Variants in PHLDB2 observed in about 807,000 individuals in gnomAD.
PHLDB2 encodes pleckstrin homology-like domain family B member 2.
In PHLDB2, 71 loss-of-function variants were observed where a neutral mutation model predicts 123.6. That is an observed-to-expected ratio of 0.57 (90% CI 0.47 to 0.70). The LOEUF is 0.70. PHLDB2 is among the 30% of genes least tolerant of loss of function. The pLI, the probability that PHLDB2 is intolerant of heterozygous loss-of-function variation, is 0.00. For missense variants in PHLDB2, 1,446 were observed against 1,519.5 expected (o/e 0.95, Z 0.80); for synonymous variants, 547 against 541.6 (o/e 1.01, Z -0.14).
chr3:111,936,031 C>T (rs76190005), intron 6 of PHLDB2, among the ~76,000 whole-genome samples: 1,629 of 152,262 alleles, frequency 0.011, 77 homozygotes, highest in East Asian at 0.099. Flanking sequence ...AAACCCTGAG[C>T]CCCATTTAAA....
At chr3:111,960,123 A>G (rs1359988525) in intron 12 of PHLDB2, 8 of 801,150 alleles carry the variant, frequency 1.0e-5, no homozygotes, top group Non-Finnish European at 1.2e-5. Context: ...TGCATAATAA[A>G]TAATTGGAAA....
chr3:111,937,226 T>C (rs546559940), intron 6 of PHLDB2, among the ~76,000 whole-genome samples: 66 of 152,366 alleles, frequency 4.3e-4, no homozygotes, highest in Admixed American at 3.5e-3. Context: ...GTAAAAGTCA[T>C]TGCAGAAGAT....
Position 111,952,720 on chromosome 3 carries a change from C to A in PHLDB2, c.2772+8C>A, listed in dbSNP as rs920329640. The A allele has an allele frequency of 3.1e-6, 5 of 1,606,914 alleles. No homozygotes were observed. The highest frequency in any genetic ancestry group is 4.2e-6 in the Non-Finnish European group (5 of 1,178,146). ...AGAAGCATCACCCCAAAGGTAGGAC[C>A]TGGGAGAAACCACGGGCTTCCCATT... On this transcript the variant is annotated splice_region_variant and intron_variant, in intron 11 of 17. Transcript: ENST00000431670.
chr3:111,963,370 T>A (rs1350004800), intron 13 of PHLDB2, among the ~76,000 whole-genome samples: 1 of 152,200 alleles, frequency 6.6e-6, no homozygotes. Flanking sequence ...TTAATAATGA[T>A]AATAGTAATA....
intron 2 of PHLDB2, among the ~76,000 whole-genome samples, chr3:111,908,468 G>A (rs2067685148): frequency 6.6e-6 from 1 of 152,160 alleles, no homozygotes; most frequent in African/African-American, 2.4e-5. Context: ...GACTAGTGTG[G>A]GTTAAAAGAG....
At chr3:111,851,248 G>A (rs1390633331) in intron 2 of PHLDB2, among the ~76,000 whole-genome samples, 2 of 148,962 alleles carry the variant, frequency 1.3e-5, no homozygotes, top group Non-Finnish European at 3.0e-5. Context: ...CGATTCTCCT[G>A]AGAGAAGCAA....
At chr3:111,788,982 C>T (rs997671183) in intron 1 of PHLDB2, among the ~76,000 whole-genome samples, 5 of 152,098 alleles carry the variant, frequency 3.3e-5, no homozygotes, top group Admixed American at 2.0e-4. Context: ...ATTGCAAGAT[C>T]GTGGGTAGAG....
At chr3:111,789,123 C>G (rs1452103305) in intron 1 of PHLDB2, among the ~76,000 whole-genome samples, 2 of 152,166 alleles carry the variant, frequency 1.3e-5, no homozygotes, top group Non-Finnish European at 2.9e-5. Flanking sequence ...GTATTTTTAT[C>G]AAGGCGATGG....
intron 1 of PHLDB2, among the ~76,000 whole-genome samples, chr3:111,829,885 C>T (rs980300996): frequency 1.0e-4 from 15 of 150,550 alleles, no homozygotes; most frequent in Non-Finnish European, 1.8e-4. Context: ...TATTTCATAT[C>T]ACCTTACATT....
Position 111,790,948 on chromosome 3 carries a change from T to C in PHLDB2, c.-48-54873T>C, listed in dbSNP as rs535248836. Among the ~76,000 whole-genome samples, 7 of 152,286 alleles carry C rather than the reference T, an allele frequency of 4.6e-5. No individual in the cohort carries two copies. In the South Asian group the frequency reaches 1.4e-3, roughly 32 times the overall value. On this transcript the variant is annotated intron_variant, in intron 1 of 17. Transcript: ENST00000393923. ...TATTCATTTTATAAAAATGGTGCCATGGTAAGCATTCTGATATGTAATCTG... is the reference window on the plus strand; with the variant it reads ...TATTCATTTTATAAAAATGGTGCCACGGTAAGCATTCTGATATGTAATCTG...
intron 1 of PHLDB2, among the ~76,000 whole-genome samples, chr3:111,765,685 G>A (rs952913011): frequency 6.6e-6 from 1 of 152,152 alleles, no homozygotes; most frequent in Non-Finnish European, 1.5e-5. Context: ...TTCTCTGCTG[G>A]GTTAGACAGT....
chr3:111,857,557 G>A (rs1484762360), upstream of PHLDB2, among the ~76,000 whole-genome samples: 6 of 152,094 alleles, frequency 3.9e-5, no homozygotes, highest in South Asian at 2.1e-4. Flanking sequence ...AAGAGATGAC[G>A]TGGGTGAGAA....
At chr3:111,914,793 T>C (rs1004861985) in intron 3 of PHLDB2, 1 of 152,142 alleles carries the variant, frequency 6.6e-6, no homozygotes, top group African/African-American at 2.4e-5. Context: ...AGTCTTCTGG[T>C]TGTATGTTGG....
At chr3:111,845,790 C>G (rs758364258) in intron 1 of PHLDB2, 1 of 1,609,168 alleles carries the variant, frequency 6.2e-7, no homozygotes, top group Non-Finnish European at 8.5e-7. Flanking sequence ...GCTTTCCAAT[C>G]ATGGTACCTC....
chr3:111,881,273 C>A (rs1249347226), intron 1 of PHLDB2, among the ~76,000 whole-genome samples: 2 of 152,162 alleles, frequency 1.3e-5, no homozygotes, highest in East Asian at 1.9e-4. Context: ...TCAGACAATT[C>A]AATTTTTTCT....
chr3:111,895,857 A>AATCTATCTAT lies in PHLDB2; in HGVS notation c.1335+10446_1335+10455dup, dbSNP rs1553746618. Among the ~76,000 whole-genome samples the AATCTATCTAT allele has an allele frequency of 4.2e-5, 4 of 95,988 alleles. No individual in the cohort carries two copies. In the Admixed American group the frequency reaches 4.2e-4, roughly 10 times the overall value. The allele number at this position is 95,988 out of a possible 152,430, so 63.0% of individuals were successfully genotyped here. On this transcript the variant is annotated intron_variant, in intron 2 of 17. Transcript: ENST00000431670. ...GAGTGAAACTCAGTCAAAAAAAAAAAATCTATCTATCTATCCATCTATCTA... is the reference window on the plus strand; with the variant it reads ...GAGTGAAACTCAGTCAAAAAAAAAAAATCTATCTATATCTATCTATCTATCCATCTATCTA...
At chr3:111,974,249 G>T (rs2072419661) in intron 17 of PHLDB2, among the ~76,000 whole-genome samples, 174 bp from the exon 18 acceptor site, 4 of 152,166 alleles carry the variant, frequency 2.6e-5, no homozygotes, top group Admixed American at 2.0e-4. Context: ...TCAGAAAAAT[G>T]GTCAATCCTG....
Position 111,962,287 on chromosome 3 carries a change from G to T in PHLDB2, c.3052G>T (p.Ala1018Ser). Reference sequence around the variant, plus strand: ...TGATAGCATGGAGACCAGCATCTCTGCTTGCTCACCAGACAACATCTCTAG... The same window carrying T: ...TGATAGCATGGAGACCAGCATCTCTTCTTGCTCACCAGACAACATCTCTAG... ...SSDSMETSIS[A>S]CSPDNISSAS... is the part of the protein sequence containing the mutation. Residue 1018 changes from alanine to serine, a missense_variant, in exon 13 of 18, where the codon GCT (alanine) becomes TCT (serine). Around this residue, in one of 3 missense-constraint regions of PHLDB2, gnomAD observed 594 missense variants for 646.0 expected, o/e 0.92. Coordinates refer to ENST00000431670, the MANE Select transcript of PHLDB2 (RefSeq NM_001134438.2). 1.9e-6 allele frequency: 3 copies of T among 1,586,452 alleles called. No individual in the cohort carries two copies. The highest frequency in any genetic ancestry group is 2.6e-6 in the Non-Finnish European group (3 of 1,172,908).
At chr3:111,840,309 C>T (rs1438136014) in intron 1 of PHLDB2, among the ~76,000 whole-genome samples, 2 of 152,010 alleles carry the variant, frequency 1.3e-5, no homozygotes. Flanking sequence ...TTTTCCCCAA[C>T]TGAGGATAAT....
Sources: gnomAD v4.1 joint callset for allele counts (sites outside exome capture counted in the v4.1 genomes callset) on GRCh38, gnomAD v4.1.1 for gene constraint, gnomAD v4.1.1 regional missense constraint, MANE v1.5 for transcripts, NCBI Gene and HGNC (gene_info 2026-07-23, HGNC 2026-07-21) for gene names.